NTM: variants seen among roughly 807,000 people sequenced by gnomAD.
NTM encodes the protein IgLON family member 2.
A neutral mutation model predicts 42.1 loss-of-function variants in NTM; 13 were observed. The ratio of observed to expected loss-of-function variants is 0.31; its 90% confidence interval spans 0.20 to 0.49. NTM has a LOEUF of 0.49. Among genes scored for constraint, NTM ranks in the 20% least tolerant of loss-of-function variants. The pLI is 0.99. For missense variants in NTM, 373 were observed against 452.8 expected, an observed-to-expected ratio of 0.82 and a Z score of 1.60; for synonymous variants, 187 against 179.2, an observed-to-expected ratio of 1.04 and a Z score of -0.35.
At position 131,734,171 on chromosome 11, in the gene NTM, C is replaced by CAT. The variant is rs575472566; in HGVS notation, c.83-177391_83-177390dup. On this transcript the variant is annotated intron_variant, in intron 1 of 8. Coordinates refer to ENST00000683400, the MANE Select transcript of NTM (RefSeq NM_001352005.2). ...AAGTCTGTGTCAATAGCTTCCCACC[C>CAT]ATAATTCTACCCCCTCATCCCCCAT... Among the ~76,000 whole-genome samples the CAT allele has an allele frequency of 2.6e-5, 4 of 152,250 alleles. No homozygotes were observed. In the South Asian group the frequency reaches 6.2e-4, roughly 24 times the overall value.
intron 1 of NTM, among the ~76,000 whole-genome samples, chr11:131,612,015 TGGCA>T (rs1278539246): frequency 2.0e-5 from 3 of 152,302 alleles, no homozygotes; most frequent in Admixed American, 2.0e-4. Context: ...GCAGAGGTGA[TGGCA>T]TGTGACTTCA....
rs933156482 is a variant in NTM, at chr11:132,076,812, T to G, written c.168-69470T>G. On this transcript the variant is annotated intron_variant, in intron 2 of 8. Transcript: ENST00000683400. ...GATCAGATAAGCTTTATGAAGGGTCTTCTGTAAAACAGCAAAGCCAATTAC... is the reference window on the plus strand; with the variant it reads ...GATCAGATAAGCTTTATGAAGGGTCGTCTGTAAAACAGCAAAGCCAATTAC... Among the ~76,000 whole-genome samples the G allele has an allele frequency of 3.9e-5, 6 of 152,336 alleles. No homozygotes were observed. In the East Asian group the frequency reaches 9.6e-4, roughly 24 times the overall value.
intron 1 of NTM, among the ~76,000 whole-genome samples, chr11:131,862,587 G>T (rs957947391): frequency 5.9e-5 from 9 of 152,280 alleles, no homozygotes; most frequent in African/African-American, 2.2e-4. Flanking sequence ...TATTTTAAAA[G>T]AATATACCAT....
At chr11:132,141,926 C>T (rs2069239895) in intron 2 of NTM, among the ~76,000 whole-genome samples, 1 of 152,180 alleles carries the variant, frequency 6.6e-6, no homozygotes. Context: ...ACACAGAAGG[C>T]TAATGGCCAC....
At chr11:131,489,612 C>T (rs1196049626) in intron 1 of NTM, among the ~76,000 whole-genome samples, 1 of 152,122 alleles carries the variant, frequency 6.6e-6, no homozygotes, top group Admixed American at 6.6e-5. Flanking sequence ...GATCTTTACC[C>T]GAAGGCCCAT....
chr11:131,872,772 G>T (rs373566484), intron 1 of NTM, among the ~76,000 whole-genome samples: 7 of 152,328 alleles, frequency 4.6e-5, no homozygotes, highest in African/African-American at 1.4e-4. Flanking sequence ...GTATCATACT[G>T]TGGGGTAATT....
intron 1 of NTM, among the ~76,000 whole-genome samples, chr11:131,729,870 T>G (rs1247787647): frequency 6.6e-6 from 1 of 152,254 alleles, no homozygotes; most frequent in Non-Finnish European, 1.5e-5. Context: ...ATAGTTCTAC[T>G]TTTTAGCTAT....
At chr11:131,960,197 G>A (rs1476133673) in intron 2 of NTM, among the ~76,000 whole-genome samples, 1 of 152,144 alleles carries the variant, frequency 6.6e-6, no homozygotes, top group Non-Finnish European at 1.5e-5. Context: ...CAAGCTCGAG[G>A]GTGTTCATGG....
At position 131,795,694 on chromosome 11, in the gene NTM, G is replaced by A. The variant is rs544007162; in HGVS notation, c.83-115870G>A. The A allele has an allele frequency of 8.3e-5, 82 of 985,354 alleles. No individual in the cohort carries two copies. The South Asian group carries it at 1.2e-3, about 15-fold the overall frequency. The allele number at this position is 985,354 out of a possible 1,614,324, so 61.0% of individuals were successfully genotyped here. A position where few individuals can be genotyped will look rare whatever the true frequency, so the allele number is the denominator to read the frequency against. The stretch of plus-strand genomic sequence containing the variant: ...TTCAGGGCGAACAGCAGATATTTAC[G>A]GCATTTTCTTTCTGTGCTGGGCATT... On this transcript the variant is annotated intron_variant, in intron 1 of 8. Transcript: ENST00000683400.
intron 2 of NTM, among the ~76,000 whole-genome samples, chr11:132,096,318 G>A (rs1221450678): frequency 2.0e-5 from 3 of 152,134 alleles, no homozygotes; most frequent in African/African-American, 7.2e-5. Flanking sequence ...TTATTTCCTA[G>A]TGCAACCTCT....
rs182836246 is a variant in NTM at position 131,643,317 on chromosome 11, G to T, written c.83-268247G>T. Among the ~76,000 whole-genome samples, 11 of 152,322 alleles carry T rather than the reference G, an allele frequency of 7.2e-5. No homozygotes were observed. The South Asian group carries it at 2.3e-3, about 32-fold the overall frequency. On this transcript the variant is annotated intron_variant, in intron 1 of 8. Coordinates refer to ENST00000683400, the MANE Select transcript of NTM (RefSeq NM_001352005.2). Reference sequence around the variant, plus strand: ...TCCATGTGCCTGCTTTGTTCTGGCCGTGCCAGTCGTGGCCCAGAGGGCTGC... The same window carrying T: ...TCCATGTGCCTGCTTTGTTCTGGCCTTGCCAGTCGTGGCCCAGAGGGCTGC...
intron 2 of NTM, among the ~76,000 whole-genome samples, chr11:132,104,937 G>GTGTGTGTATATATATA (rs1169190929): frequency 3.2e-5 from 2 of 61,826 alleles, no homozygotes; most frequent in African/African-American, 1.2e-4. Flanking sequence ...ATATACATAT[G>GTGTGTGTATATATATA]TATATATATA....
chr11:131,882,381 A>G (rs1287914111), intron 1 of NTM, among the ~76,000 whole-genome samples: 1 of 152,196 alleles, frequency 6.6e-6, no homozygotes, highest in Non-Finnish European at 1.5e-5. Context: ...AGAACCTTCA[A>G]CTGATTGGAT....
chr11:131,742,621 T>G (rs150416466), intron 1 of NTM, among the ~76,000 whole-genome samples: 17 of 152,330 alleles, frequency 1.1e-4, no homozygotes, highest in African/African-American at 3.8e-4. Flanking sequence ...TCAATTGTAA[T>G]ATGTTGTGAG....
intron 1 of NTM, among the ~76,000 whole-genome samples, chr11:131,631,492 A>G (rs931362397): frequency 3.9e-5 from 6 of 152,228 alleles, no homozygotes; most frequent in African/African-American, 1.4e-4. Flanking sequence ...AATGAAAGCC[A>G]CTAAGAGACT....
intron 1 of NTM, among the ~76,000 whole-genome samples, chr11:131,850,137 A>C (rs1318652587): frequency 6.6e-6 from 1 of 151,856 alleles, no homozygotes; most frequent in Admixed American, 6.6e-5. Context: ...TAATTAGTGT[A>C]AATACAAATC....
intron 1 of NTM, among the ~76,000 whole-genome samples, chr11:131,604,976 G>A (rs771704030): frequency 1.3e-5 from 2 of 151,120 alleles, no homozygotes; most frequent in Non-Finnish European, 2.9e-5. Flanking sequence ...CTACTAATAC[G>A]TTTTGAAATC....
intron 1 of NTM, among the ~76,000 whole-genome samples, chr11:131,580,104 CA>C (rs1010437936): frequency 1.3e-5 from 2 of 152,084 alleles, no homozygotes; most frequent in Non-Finnish European, 2.9e-5. Context: ...TGTGGATTGG[CA>C]GCCATAAAGG....
intron 2 of NTM, among the ~76,000 whole-genome samples, chr11:131,955,347 C>G (rs2061444401): frequency 6.6e-6 from 1 of 152,112 alleles, no homozygotes; most frequent in Non-Finnish European, 1.5e-5. Context: ...GCTACTTGAT[C>G]TTTTGTCCCT....
Sources: allele counts gnomAD v4.1 joint callset (sites outside exome capture counted in the v4.1 genomes callset), GRCh38; gene constraint gnomAD v4.1.1; transcripts MANE v1.5; gene names NCBI Gene and HGNC (gene_info 2026-07-23, HGNC 2026-07-21).